Variants in XRCC4 observed in about 807,000 individuals in gnomAD.
XRCC4 encodes DNA repair protein XRCC4.
In XRCC4, 28 loss-of-function variants were observed where a neutral mutation model predicts 39.1. That is an observed-to-expected ratio of 0.72 (90% CI 0.53 to 0.98). The LOEUF (loss-of-function observed/expected upper bound fraction) is 0.98, where lower values mean the gene tolerates loss of function less well. XRCC4 is among the 50% of genes least tolerant of loss of function. The probability of loss-of-function intolerance (pLI) is 0.00; values close to 1 mark genes in which losing one functional copy is unlikely to be tolerated. For missense variants in XRCC4, 350 were observed against 376.4 expected, an observed-to-expected ratio of 0.93 and a Z score of 0.58; for synonymous variants, 123 against 126.4, an observed-to-expected ratio of 0.97 and a Z score of 0.18.
chr5:83,299,645 C>A (rs544175967), intron 7 of XRCC4, among the ~76,000 whole-genome samples: 4 of 152,110 alleles, frequency 2.6e-5, no homozygotes, highest in African/African-American at 7.2e-5. Context: ...TTTCAGTTTT[C>A]TAATTATCTC....
At chr5:83,176,692 G>A (rs1749975137) in intron 3 of XRCC4, among the ~76,000 whole-genome samples, 1 of 147,688 alleles carries the variant, frequency 6.8e-6, no homozygotes, top group South Asian at 2.1e-4. Context: ...GCACGATCTT[G>A]GCTCACTGCA....
At chr5:83,232,051 C>T (rs1032494880) in intron 6 of XRCC4, among the ~76,000 whole-genome samples, 2 of 151,968 alleles carry the variant, frequency 1.3e-5, no homozygotes, top group African/African-American at 4.8e-5. Flanking sequence ...TGGACATTAC[C>T]CCCAAGAAAA....
chr5:83,332,440 TC>T, intron 7 of XRCC4, among the ~76,000 whole-genome samples: 1 of 152,314 alleles, frequency 6.6e-6, no homozygotes, highest in Admixed American at 6.5e-5. Flanking sequence ...AAGAAGGCAG[TC>T]CATGTCAATT....
chr5:83,110,509 C>G (rs1746391647), intron 2 of XRCC4, among the ~76,000 whole-genome samples: 1 of 151,922 alleles, frequency 6.6e-6, no homozygotes, highest in Non-Finnish European at 1.5e-5. Flanking sequence ...ATTTTAGTTT[C>G]CTTCCTATTA....
chr5:83,192,388 A>G (rs549337932), intron 3 of XRCC4, among the ~76,000 whole-genome samples: 1 of 150,176 alleles, frequency 6.7e-6, no homozygotes, highest in Non-Finnish European at 1.5e-5. Flanking sequence ...GCTTACTGCA[A>G]CCTCTGCCTC....
chr5:83,348,159 G>A (rs11954157), intron 7 of XRCC4, among the ~76,000 whole-genome samples: 3,725 of 152,248 alleles, frequency 0.024, 142 homozygotes, highest in African/African-American at 0.084. Context: ...GATGCATGGC[G>A]CAAGCTGATG....
chr5:83,263,408 A>C (rs1753834617), intron 7 of XRCC4, among the ~76,000 whole-genome samples: 1 of 151,752 alleles, frequency 6.6e-6, no homozygotes, highest in Non-Finnish European at 1.5e-5. Flanking sequence ...TAGATCCCTG[A>C]GGAATCTCCA....
intron 3 of XRCC4, among the ~76,000 whole-genome samples, chr5:83,176,948 T>C (rs533346619): frequency 4.6e-5 from 7 of 152,320 alleles, no homozygotes; most frequent in Non-Finnish European, 8.8e-5. Context: ...TACCAGTTAA[T>C]GAAGTTGCAT....
chr5:83,350,588 T>C (rs975258340), intron 7 of XRCC4, among the ~76,000 whole-genome samples: 17 of 152,178 alleles, frequency 1.1e-4, no homozygotes, highest in Admixed American at 2.0e-4. Flanking sequence ...TGTCTGTTCA[T>C]GTCCTTTGCC....
chr5:83,253,707 G>A (rs1753416977), intron 6 of XRCC4, among the ~76,000 whole-genome samples: 2 of 152,132 alleles, frequency 1.3e-5, no homozygotes, highest in African/African-American at 4.8e-5. Context: ...CCTGAAAAAT[G>A]ATTTATAAAA....
At chr5:83,176,075 T>G (rs1749943265) in intron 3 of XRCC4, among the ~76,000 whole-genome samples, 3 of 152,066 alleles carry the variant, frequency 2.0e-5, no homozygotes, top group Admixed American at 1.3e-4. Flanking sequence ...TAAGATAAAA[T>G]CACATTAATT....
intron 6 of XRCC4, among the ~76,000 whole-genome samples, chr5:83,207,294 C>G (rs902171538): frequency 1.3e-5 from 2 of 151,940 alleles, no homozygotes; most frequent in African/African-American, 4.8e-5. Context: ...TTTATGTGTT[C>G]AGTCTATTTT....
At chr5:83,104,404 T>C (rs1034333341) in intron 1 of XRCC4, among the ~76,000 whole-genome samples, 1 of 152,174 alleles carries the variant, frequency 6.6e-6, no homozygotes, top group African/African-American at 2.4e-5. Flanking sequence ...ACCATTTCTT[T>C]TGTGGTAGAA....
intron 7 of XRCC4, among the ~76,000 whole-genome samples, chr5:83,342,542 T>C (rs1401369761): frequency 6.6e-6 from 1 of 152,156 alleles, no homozygotes; most frequent in Non-Finnish European, 1.5e-5. Context: ...AAGATATCTT[T>C]AGGAATTTAA....
chr5:83,208,423 A>G (rs73769414), intron 6 of XRCC4, among the ~76,000 whole-genome samples: 4,144 of 152,140 alleles, frequency 0.027, 159 homozygotes, highest in African/African-American at 0.095. Flanking sequence ...GCAAATTCAT[A>G]TTTACCGTAT....
chr5:83,339,021 C>T lies in XRCC4; in HGVS notation c.894-14110C>T, dbSNP rs77952199. On this transcript the variant is annotated intron_variant, in intron 7 of 7. Coordinates refer to ENST00000396027, the MANE Select transcript of XRCC4 (RefSeq NM_003401.5). ...TAGGTCTTTCTCCAGTAATTCTGAGCGTAGACTGTGTCCCCACAGCTTGTG... is the reference window on the plus strand; with the variant it reads ...TAGGTCTTTCTCCAGTAATTCTGAGTGTAGACTGTGTCCCCACAGCTTGTG... Among the ~76,000 whole-genome samples the T allele has an allele frequency of 9.5e-3, 1,449 of 152,242 alleles. 24 individuals are homozygous for T. The highest frequency in any genetic ancestry group is 0.033 in the African/African-American group (1,355 of 41,546).
intron 3 of XRCC4, among the ~76,000 whole-genome samples, chr5:83,139,221 G>T (rs764316489): frequency 6.6e-5 from 10 of 152,174 alleles, no homozygotes; most frequent in Middle Eastern, 3.4e-3. Context: ...CTATTTTGAA[G>T]ACTACTGGCC....
intron 3 of XRCC4, among the ~76,000 whole-genome samples, chr5:83,182,767 C>T (rs561975693): frequency 2.6e-5 from 4 of 152,188 alleles, no homozygotes; most frequent in East Asian, 1.9e-4. Flanking sequence ...GAGGCCTGAG[C>T]GAGGCTATTG....
chr5:83,230,143 A>G (rs574392239), intron 6 of XRCC4, among the ~76,000 whole-genome samples: 82 of 152,112 alleles, frequency 5.4e-4, no homozygotes, highest in African/African-American at 1.9e-3. Flanking sequence ...GTTAGGTAAT[A>G]TATTTTACCA....
Sources: gnomAD v4.1 joint callset for allele counts (sites outside exome capture counted in the v4.1 genomes callset) on GRCh38, gnomAD v4.1.1 for gene constraint, MANE v1.5 for transcripts, NCBI Gene and HGNC (gene_info 2026-07-23, HGNC 2026-07-21) for gene names.